Variants in ERCC1 observed in about 807,000 individuals in gnomAD.
ERCC1 encodes ERCC excision repair 1, endonuclease non-catalytic subunit, also known as DNA excision repair protein ERCC-1.
In ERCC1, 36 loss-of-function variants were observed where a neutral mutation model predicts 37.6. That is an observed-to-expected ratio of 0.96 (90% CI 0.73 to 1.26). ERCC1 has a LOEUF of 1.26. ERCC1 is among the 50% of genes most tolerant of loss of function. ERCC1 has a pLI of 0.00. For missense variants in ERCC1, 349 were observed against 376.5 expected (o/e 0.93, Z 0.60); for synonymous variants, 156 against 162.1 (o/e 0.96, Z 0.28).
intron 2 of ERCC1, 108 bp from the exon 3 acceptor site, chr19:45,421,501 G>A (rs1974426331): frequency 1.3e-6 from 1 of 765,146 alleles, no homozygotes; most frequent in Non-Finnish European, 2.1e-6. Flanking sequence ...AGACAGTCTT[G>A]CTCTGTCACC....
In ERCC1 at chr19:45,421,408, G is replaced by A; in HGVS notation, c.106-15C>T. 1 of 1,581,372 alleles carries A rather than the reference G, an allele frequency of 6.3e-7. No individual in the cohort carries two copies. The highest frequency in any genetic ancestry group is 1.1e-5 in the South Asian group (1 of 89,430). On this transcript the variant is annotated splice_polypyrimidine_tract_variant and intron_variant, in intron 2 of 9. Transcript: ENST00000300853. ...AAGGGCTTGGCCTGTGGGGAGAAAG[G>A]GAGTTTGCAGGGGACTGGTTGGGGT...
At chr19:45,450,900 CCCCCCA>C (rs1967099170) in intron 1 of ERCC1, among the ~76,000 whole-genome samples, 2 of 97,812 alleles carry the variant, frequency 2.0e-5, no homozygotes, top group African/African-American at 6.6e-5. Flanking sequence ...CCCCCCCCCC[CCCCCCA>C]CGCCCGCGCA....
At chr19:45,432,138 AT>A (rs1425219984) in intron 1 of ERCC1, among the ~76,000 whole-genome samples, 1 of 151,274 alleles carries the variant, frequency 6.6e-6, no homozygotes, top group Non-Finnish European at 1.5e-5. Flanking sequence ...CACCGGGCTA[AT>A]TTTTCATATT....
intron 1 of ERCC1, among the ~76,000 whole-genome samples, chr19:45,446,035 C>T (rs1407806510): frequency 4.0e-5 from 6 of 151,860 alleles, no homozygotes; most frequent in Admixed American, 2.0e-4. Context: ...ATTACAGGCT[C>T]GTGCCACCAC....
Position 45,420,398 on chromosome 19 carries a change from G to A in ERCC1, c.351C>T (p.Arg117=). The change falls in exon 4 of 10, where the codon CGC becomes CGT. Residue 117 remains arginine, a synonymous_variant. Transcript: ENST00000300853. The surrounding 1 kb of genome is among the most constrained non-coding windows in gnomAD (Gnocchi z 4.8). ...QRGNPVLKFV[R]NVPWEFGDVI... ...CGTCGCCAAATTCCCAGGGCACATT[G>A]CGCACGAACTTCAGTACGGGATTGC... is the stretch of plus-strand genomic sequence containing the variant. 6.2e-7 allele frequency: 1 copy of A among 1,613,584 alleles called. No individual in the cohort carries two copies. Among genetic ancestry groups the A allele is most frequent in the Non-Finnish European group, 8.5e-7 (1 of 1,179,690 alleles).
chr19:45,423,898 C>T lies in ERCC1; in HGVS notation c.-125G>A, dbSNP rs1974598119. 9.1e-7 allele frequency: 1 copy of T among 1,104,756 alleles called. No individual in the cohort carries two copies. Among genetic ancestry groups the T allele is most frequent in the Non-Finnish European group, 1.1e-6 (1 of 901,084 alleles). The allele number at this position is 1,104,756 out of a possible 1,614,324, so 68.4% of individuals were successfully genotyped here. On this transcript the variant is annotated 5_prime_UTR_variant, in exon 1 of 10. Coordinates refer to ENST00000300853, the MANE Select transcript of ERCC1 (RefSeq NM_001983.4). The stretch of plus-strand genomic sequence containing the variant: ...CCACTGCCAGCACGGCCAGCGTGGC[C>T]CAGGGCTCGCAGCACTTCCGGCCTC...
intron 6 of ERCC1, 122 bp downstream of exon 6, chr19:45,416,699 G>A: frequency 2.7e-6 from 2 of 735,102 alleles, no homozygotes; most frequent in East Asian, 2.6e-5. Context: ...AGGCCAGAGA[G>A]AGGCAGTGCC....
At chr19:45,440,697 T>G (rs774122717) in intron 1 of ERCC1, among the ~76,000 whole-genome samples, 4 of 152,120 alleles carry the variant, frequency 2.6e-5, no homozygotes, top group Non-Finnish European at 4.4e-5. Flanking sequence ...AGCCGTTTCT[T>G]TATTTACCCA....
At chr19:45,419,978 G>A (rs1599834301) in intron 4 of ERCC1, among the ~76,000 whole-genome samples, 1 of 133,854 alleles carries the variant, frequency 7.5e-6, no homozygotes. Flanking sequence ...GACCCCAGGA[G>A]TCCAGGCCCC....
intron 6 of ERCC1, 50 bp downstream of exon 6, chr19:45,416,771 G>T (rs777876584): frequency 3.5e-6 from 5 of 1,429,440 alleles, no homozygotes; most frequent in Non-Finnish European, 9.9e-7. Flanking sequence ...GGGGGAGCAG[G>T]GACCAATCCC....
chr19:45,431,550 G>T (rs1272816635), intron 1 of ERCC1, among the ~76,000 whole-genome samples: 3 of 152,086 alleles, frequency 2.0e-5, no homozygotes, highest in Non-Finnish European at 2.9e-5. Flanking sequence ...GGTGGCACAC[G>T]CCTGTAATCC....
chr19:45,449,556 G>T (rs1226501391), intron 1 of ERCC1, among the ~76,000 whole-genome samples: 1 of 152,196 alleles, frequency 6.6e-6, no homozygotes, highest in Non-Finnish European at 1.5e-5. Context: ...GTCCCAGCTA[G>T]TTGGTAGGCT....
chr19:45,450,333 C>T (rs577209405), intron 1 of ERCC1, among the ~76,000 whole-genome samples: 2 of 152,342 alleles, frequency 1.3e-5, no homozygotes, highest in African/African-American at 2.4e-5. Flanking sequence ...CTTTTCTCTT[C>T]CTCAAGAAGG....
intron 1 of ERCC1, among the ~76,000 whole-genome samples, chr19:45,444,194 C>A (rs1370155275): frequency 6.6e-6 from 1 of 151,818 alleles, no homozygotes; most frequent in Non-Finnish European, 1.5e-5. Context: ...CCCAGCCTCC[C>A]GCAGTTCCCT....
intron 6 of ERCC1, 112 bp from the exon 7 acceptor site, chr19:45,415,072 G>C: frequency 2.8e-6 from 2 of 719,668 alleles, no homozygotes; most frequent in Non-Finnish European, 2.4e-6. Flanking sequence ...GGTGGCTCAC[G>C]CCTGTAATCC....
chr19:45,415,104 C>G, intron 6 of ERCC1, 144 bp from the exon 7 acceptor site: 1 of 590,364 alleles, frequency 1.7e-6, no homozygotes, highest in Admixed American at 2.3e-5. Flanking sequence ...GATGATGAGG[C>G]AGGCAGATCA....
At position 45,409,383 on chromosome 19, in the gene ERCC1, T is replaced by C. The variant is rs561071631; in HGVS notation, c.*292A>G. 18 of 1,613,260 alleles carry C rather than the reference T, an allele frequency of 1.1e-5. No homozygotes were observed. The highest frequency in any genetic ancestry group is 1.4e-5 in the Non-Finnish European group (17 of 1,179,896). On this transcript the variant is annotated 3_prime_UTR_variant, in exon 10 of 10. Transcript: ENST00000300853. The stretch of plus-strand genomic sequence containing the variant: ...AAGAAGCAGAGTCAGGAAAGCCGGA[T>C]GCCAGAGACAGTGCCCCAAGAGGAG...
upstream of ERCC1, among the ~76,000 whole-genome samples, chr19:45,426,548 T>C (rs1403819524): frequency 1.4e-5 from 2 of 140,606 alleles, no homozygotes; most frequent in Non-Finnish European, 3.0e-5. Flanking sequence ...TGAAACTCCA[T>C]CTCAAAAAAA....
chr19:45,442,823 G>T (rs2123608145), intron 1 of ERCC1, among the ~76,000 whole-genome samples: 1 of 152,238 alleles, frequency 6.6e-6, no homozygotes, highest in Non-Finnish European at 1.5e-5. Flanking sequence ...ACTCTGTTTG[G>T]CAGGCTGAGG....
Sources: gnomAD v4.1 joint callset for allele counts (sites outside exome capture counted in the v4.1 genomes callset) on GRCh38, gnomAD v4.1.1 for gene constraint, Gnocchi (gnomAD v3.1) non-coding constraint, MANE v1.5 for transcripts, NCBI Gene and HGNC (gene_info 2026-07-23, HGNC 2026-07-21) for gene names.